OSBPL11: variants seen among roughly 807,000 people sequenced by gnomAD.
OSBPL11 encodes the protein oxysterol-binding protein-related protein 11.
In OSBPL11, 33 loss-of-function variants were observed where a neutral mutation model predicts 84.4. The ratio of observed to expected loss-of-function variants is 0.39; its 90% CI spans 0.30 to 0.52. OSBPL11 has a LOEUF of 0.52. Ranked by LOEUF, OSBPL11 falls within the 20% of genes least tolerant of loss-of-function variation. The pLI is 0.72. For synonymous variants in OSBPL11, 276 were observed against 310.2 expected, an observed-to-expected ratio of 0.89 and a Z score of 1.16; for missense variants, 736 against 901.1, an observed-to-expected ratio of 0.82 and a Z score of 2.35.
chr3:125,581,919 A>G (rs1232624085), intron 2 of OSBPL11, among the ~76,000 whole-genome samples: 4 of 151,862 alleles, frequency 2.6e-5, no homozygotes, highest in African/African-American at 7.3e-5. Context: ...GGTTACAGTG[A>G]GCTGAGATCA....
intron 10 of OSBPL11, among the ~76,000 whole-genome samples, chr3:125,545,124 T>A (rs1292247181): frequency 6.6e-6 from 1 of 152,198 alleles, no homozygotes; most frequent in Admixed American, 6.5e-5. Context: ...ATGGTATATA[T>A]AAAAAATTCA....
chr3:125,592,729 T>C (rs1300651047), intron 1 of OSBPL11, among the ~76,000 whole-genome samples: 1 of 152,024 alleles, frequency 6.6e-6, no homozygotes, highest in Non-Finnish European at 1.5e-5. Flanking sequence ...TGGTATTTAA[T>C]GTTGACATTT....
In OSBPL11 at chr3:125,560,588, T is replaced by C. The variant is rs1397495559; in HGVS notation, c.1015-69A>G. 8 of 1,309,816 alleles carry C rather than the reference T, an allele frequency of 6.1e-6. No individual in the cohort carries two copies. In the Middle Eastern group the frequency reaches 6.2e-4, roughly 101 times the overall value. The allele number at this position is 1,309,816 out of a possible 1,614,324, so 81.1% of individuals were successfully genotyped here. The stretch of plus-strand genomic sequence containing the variant: ...TTCATATCCATTGAGAACAAAACAA[T>C]AAATATCAGACTTGAAGACATTTGT... On this transcript the variant is annotated intron_variant, in intron 7 of 12. Coordinates refer to ENST00000296220, the MANE Select transcript of OSBPL11 (RefSeq NM_022776.5).
rs746486365 is a variant in OSBPL11 at position 125,594,668 on chromosome 3, G to GGCT, written c.130_132dup (p.Ser44dup). ...TGCCAGCCTTTTGCACTGCCACCGC[G>GGCT]GCTGCTGCTGCTGCTACTGATTCCA... On this transcript the variant is annotated inframe_insertion, in exon 1 of 13. Transcript: ENST00000296220. The GGCT allele has an allele frequency of 2.7e-5, 43 of 1,613,836 alleles. 1 individual carries two copies. Among genetic ancestry groups the GGCT allele is most frequent in the South Asian group, 9.9e-5 (9 of 91,062 alleles).
At chr3:125,534,951 G>GAAAAAAAAAAAAAAAAAAAAAAAAAA (rs56164804) in intron 11 of OSBPL11, among the ~76,000 whole-genome samples, 2 of 64,640 alleles carry the variant, frequency 3.1e-5, no homozygotes, top group African/African-American at 7.5e-5. Flanking sequence ...TAAGAAATTA[G>GAAAAAAAAAAAAAAAAAAAAAAAAAA]AAAAAAAAAA....
chr3:125,578,882 C>G, intron 4 of OSBPL11, 78 bp downstream of exon 4: 1 of 864,812 alleles, frequency 1.2e-6, no homozygotes, highest in Non-Finnish European at 1.7e-6. Flanking sequence ...TGAATAGTAT[C>G]TCAATTTTAA....
At chr3:125,568,654 T>C (rs1015860199) in intron 5 of OSBPL11, among the ~76,000 whole-genome samples, 1 of 152,204 alleles carries the variant, frequency 6.6e-6, no homozygotes, top group Non-Finnish European at 1.5e-5. Context: ...TCTGGTCCTG[T>C]TATGTTGCTT....
At chr3:125,579,541 T>C (rs1416252067) in intron 3 of OSBPL11, among the ~76,000 whole-genome samples, 4 of 152,206 alleles carry the variant, frequency 2.6e-5, no homozygotes, top group African/African-American at 9.6e-5. Flanking sequence ...AAAGGGCACG[T>C]AAACTAAACC....
chr3:125,548,549 A>G (rs1304469003), intron 9 of OSBPL11, among the ~76,000 whole-genome samples: 1 of 152,008 alleles, frequency 6.6e-6, no homozygotes, highest in African/African-American at 2.4e-5. Context: ...AAGATGGTTT[A>G]AAAGGTTTTA....
chr3:125,576,605 TCAAAAAA>T (rs1356961499), intron 4 of OSBPL11, among the ~76,000 whole-genome samples: 1 of 152,194 alleles, frequency 6.6e-6, no homozygotes, highest in Non-Finnish European at 1.5e-5. Flanking sequence ...CTTTGTGCTG[TCAAAAAA>T]TATTCTTTCA....
rs1297737324 is a variant in OSBPL11 at position 125,552,554 on chromosome 3, G to A, written c.1281C>T (p.Arg427=). 2 of 1,614,174 alleles carry A rather than the reference G, an allele frequency of 1.2e-6. No homozygotes were observed. Among genetic ancestry groups the A allele is most frequent in the Middle Eastern group, 1.6e-4 (1 of 6,062 alleles). ...NGATAEDRMI[R]FVEYYLTSFH... ...ATGAGGTAAGGTAGTACTCAACAAA[G>A]CGAATCATTCTGTCCTCAGCTGTGG... Residue 427 remains arginine, a synonymous_variant, in exon 9 of 13, where the codon CGC becomes CGT. Coordinates refer to ENST00000296220, the MANE Select transcript of OSBPL11 (RefSeq NM_022776.5).
chr3:125,590,662 TA>T (rs1424986444), intron 1 of OSBPL11, among the ~76,000 whole-genome samples: 1 of 152,232 alleles, frequency 6.6e-6, no homozygotes, highest in Non-Finnish European at 1.5e-5. Context: ...AAATAAGCCT[TA>T]GAATTCATTC....
intron 10 of OSBPL11, among the ~76,000 whole-genome samples, chr3:125,542,397 A>G (rs1459673328): frequency 2.6e-5 from 4 of 151,036 alleles, no homozygotes; most frequent in Non-Finnish European, 4.4e-5. Context: ...TCGGCTCGGC[A>G]CAATCTCGGC....
At chr3:125,575,549 A>T (rs1936309444) in intron 5 of OSBPL11, among the ~76,000 whole-genome samples, 1 of 151,298 alleles carries the variant, frequency 6.6e-6, no homozygotes, top group Admixed American at 6.6e-5. Flanking sequence ...TTATTTTTTG[A>T]GACAGGGTTT....
In OSBPL11 at chr3:125,578,902, AAT is replaced by A. The variant is rs199818662; in HGVS notation, c.489+56_489+57del. The A allele has an allele frequency of 4.6e-3, 5,175 of 1,129,822 alleles. 2 individuals carry two copies. Among genetic ancestry groups the A allele is most frequent in the Middle Eastern group, 5.9e-3 (19 of 3,242 alleles). The allele number at this position is 1,129,822 out of a possible 1,614,324, so 70.0% of individuals were successfully genotyped here. A position where few individuals can be genotyped will look rare whatever the true frequency, so the allele number is the denominator to read the frequency against. On this transcript the variant is annotated intron_variant, in intron 4 of 12. Coordinates refer to ENST00000296220, the MANE Select transcript of OSBPL11 (RefSeq NM_022776.5). ...AGTATCTCAATTTTAAAAGGCAAAA[AAT>A]AAAAAATATTCCTTCCTCATTTTTG...
chr3:125,543,905 T>C (rs1002061772), intron 10 of OSBPL11, among the ~76,000 whole-genome samples: 2 of 151,670 alleles, frequency 1.3e-5, no homozygotes, highest in African/African-American at 4.8e-5. Flanking sequence ...ATCTCAAAAA[T>C]AAAAATAAAA....
intron 10 of OSBPL11, among the ~76,000 whole-genome samples, chr3:125,543,911 TA>T (rs577384801): frequency 4.0e-5 from 6 of 151,470 alleles, no homozygotes. Context: ...AAAATAAAAA[TA>T]AAAAAAATAA....
intron 11 of OSBPL11, 60 bp downstream of exon 11, chr3:125,538,391 G>A (rs993511978): frequency 1.5e-5 from 23 of 1,517,444 alleles, no homozygotes; most frequent in Non-Finnish European, 2.1e-5. Flanking sequence ...TTAGTGAAAA[G>A]GCTTAGATTA....
chr3:125,539,138 G>A, intron 10 of OSBPL11, among the ~76,000 whole-genome samples: 2 of 150,144 alleles, frequency 1.3e-5, no homozygotes, highest in Admixed American at 6.6e-5. Context: ...ACCAATAATA[G>A]GTAGAAAAAC....
Sources: gnomAD v4.1 joint callset for allele counts (sites outside exome capture counted in the v4.1 genomes callset) on GRCh38, gnomAD v4.1.1 for gene constraint, MANE v1.5 for transcripts, NCBI Gene and HGNC (gene_info 2026-07-23, HGNC 2026-07-21) for gene names.